The following MYO1E variants were observed in gnomAD, a reference collection of about 807,000 sequenced individuals.
MYO1E encodes the protein unconventional myosin-Ie.
Under a neutral mutation model 151.1 loss-of-function variants are expected in MYO1E, and 68 were observed. The ratio of observed to expected loss-of-function variants is 0.45; its 90% CI spans 0.37 to 0.55. The LOEUF (loss-of-function observed/expected upper bound fraction) is 0.55, where lower values mean the gene tolerates loss of function less well. Among genes scored for constraint, MYO1E ranks in the 20% least tolerant of loss-of-function variants. MYO1E has a pLI of 0.00. For synonymous variants in MYO1E, 601 were observed against 501.7 expected (o/e 1.20, Z -2.64); for missense variants, 1,363 against 1,389.3 (o/e 0.98, Z 0.30).
intron 4 of MYO1E, among the ~76,000 whole-genome samples, chr15:59,237,098 A>AT (rs1459577997): frequency 1.3e-5 from 2 of 151,912 alleles, no homozygotes; most frequent in Non-Finnish European, 2.9e-5. Flanking sequence ...CATGATTACA[A>AT]TTTTTTTTTC....
chr15:59,357,963 A>G (rs558141821), intron 1 of MYO1E, among the ~76,000 whole-genome samples: 3 of 152,214 alleles, frequency 2.0e-5, no homozygotes, highest in Non-Finnish European at 4.4e-5. Flanking sequence ...AGGTGGAATC[A>G]CAGGACTTGG....
chr15:59,292,554 G>A (rs1242198027), intron 1 of MYO1E, among the ~76,000 whole-genome samples: 1 of 152,198 alleles, frequency 6.6e-6, no homozygotes, highest in Admixed American at 6.5e-5. Flanking sequence ...TTTCTATTCT[G>A]GTTTGCCCCA....
chr15:59,237,639 T>C (rs1180636131), intron 4 of MYO1E, among the ~76,000 whole-genome samples: 1 of 152,136 alleles, frequency 6.6e-6, no homozygotes, highest in African/African-American at 2.4e-5. Flanking sequence ...GACAATATTT[T>C]TGTTCGCGCT....
chr15:59,318,624 T>C (rs1339772076), intron 1 of MYO1E, among the ~76,000 whole-genome samples: 1 of 152,138 alleles, frequency 6.6e-6, no homozygotes, highest in Non-Finnish European at 1.5e-5. Context: ...GAGGAAGATG[T>C]TTTTGTTTTA....
At chr15:59,152,144 A>G (rs914003575) in intron 26 of MYO1E, among the ~76,000 whole-genome samples, 7 of 152,022 alleles carry the variant, frequency 4.6e-5, no homozygotes, top group Admixed American at 6.5e-5. Flanking sequence ...CAGGAGAATC[A>G]CTTGAACCTG....
intron 1 of MYO1E, among the ~76,000 whole-genome samples, chr15:59,315,365 G>A (rs751122367): frequency 6.6e-6 from 1 of 152,058 alleles, no homozygotes; most frequent in African/African-American, 2.4e-5. Flanking sequence ...TCTCAGAACT[G>A]GAAGGGGTCT....
At chr15:59,317,035 C>T (rs1374269308) in intron 1 of MYO1E, among the ~76,000 whole-genome samples, 2 of 152,214 alleles carry the variant, frequency 1.3e-5, no homozygotes, top group African/African-American at 4.8e-5. Context: ...GGAATAGCTT[C>T]CTCCCTAGGC....
intron 1 of MYO1E, among the ~76,000 whole-genome samples, chr15:59,336,362 C>T (rs1186589706): frequency 1.3e-5 from 2 of 151,284 alleles, no homozygotes; most frequent in African/African-American, 2.4e-5. Context: ...GGGAGTGAAA[C>T]GCTGTCTCAA....
At chr15:59,325,549 C>A (rs2080658453) in intron 1 of MYO1E, among the ~76,000 whole-genome samples, 2 of 152,112 alleles carry the variant, frequency 1.3e-5, no homozygotes, top group Non-Finnish European at 1.5e-5. Flanking sequence ...ATAGTGCAAT[C>A]CAATAACACA....
intron 1 of MYO1E, among the ~76,000 whole-genome samples, chr15:59,339,312 A>G (rs1457402001): frequency 1.3e-5 from 2 of 152,180 alleles, no homozygotes; most frequent in Non-Finnish European, 2.9e-5. Context: ...ATGTGTAACA[A>G]GAGATGTTTT....
Position 59,217,978 on chromosome 15 carries a change from G to A in MYO1E, c.1020C>T (p.His340=), listed in dbSNP as rs1281516343. 6.8e-6 allele frequency: 11 copies of A among 1,614,092 alleles called. No homozygotes were observed. Among genetic ancestry groups the A allele is most frequent in the African/African-American group, 5.3e-5 (4 of 74,932 alleles). The change falls in exon 10 of 28, where the codon CAC becomes CAT. Residue 340 remains histidine (H), a synonymous_variant. Coordinates refer to ENST00000288235, the MANE Select transcript of MYO1E (RefSeq NM_004998.4). ...SKWGGKSESI[H]VTLNVEQACY... Reference sequence around the variant, plus strand: ...AGGCCTGCTCTACGTTGAGGGTCACGTGGATGGATTCGGATTTGCCTCCCC... The same window carrying A: ...AGGCCTGCTCTACGTTGAGGGTCACATGGATGGATTCGGATTTGCCTCCCC...
At chr15:59,356,381 G>C (rs1369768953) in intron 1 of MYO1E, among the ~76,000 whole-genome samples, 1 of 152,124 alleles carries the variant, frequency 6.6e-6, no homozygotes, top group East Asian at 1.9e-4. Flanking sequence ...TCAAATCACA[G>C]GGTGCTTTCA....
intron 22 of MYO1E, 58 bp downstream of exon 22, chr15:59,171,839 C>T (rs1414425320): frequency 9.3e-6 from 15 of 1,611,128 alleles, no homozygotes; most frequent in South Asian, 8.8e-5. Flanking sequence ...TTTGGAACAG[C>T]GGACCGTGAT....
intron 23 of MYO1E, among the ~76,000 whole-genome samples, chr15:59,162,732 G>A (rs1457115867): frequency 1.3e-5 from 2 of 151,412 alleles, no homozygotes; most frequent in African/African-American, 2.4e-5. Context: ...TCAAGCCCCC[G>A]GAGGCTCTAC....
At chr15:59,308,260 G>C (rs1266805246) in intron 1 of MYO1E, among the ~76,000 whole-genome samples, 1 of 147,156 alleles carries the variant, frequency 6.8e-6, no homozygotes, top group Non-Finnish European at 1.5e-5. Context: ...AATAGGCTGG[G>C]CATGGTGGCT....
At chr15:59,231,592 C>T (rs1050108182) in intron 6 of MYO1E, 110 bp downstream of exon 6, 64 of 1,168,636 alleles carry the variant, frequency 5.5e-5, no homozygotes, top group Non-Finnish European at 7.3e-5. Context: ...AAGAGGTGGC[C>T]TCCTGATGAT....
chr15:59,358,206 G>C (rs2080865585), intron 1 of MYO1E, among the ~76,000 whole-genome samples: 2 of 152,080 alleles, frequency 1.3e-5, no homozygotes, highest in South Asian at 2.1e-4. Context: ...AGTATCAAGA[G>C]AGCCTTAGGG....
chr15:59,139,502 T>TTA lies in MYO1E; in HGVS notation c.3081-1136_3081-1135insTA, dbSNP rs552965206. 1.4e-3 allele frequency among the ~76,000 whole-genome samples: 162 copies of TTA among 112,320 alleles called. 1 individual carries two copies. Among genetic ancestry groups the TTA allele is most frequent in the African/African-American group, 5.6e-3 (146 of 26,146 alleles). The allele number at this position is 112,320 out of a possible 152,430, so 73.7% of individuals were successfully genotyped here. A position where few individuals can be genotyped will look rare whatever the true frequency, so the allele number is the denominator to read the frequency against. ...TCTGCAGACTTCTTTCCCACCCCCT[T>TTA]ATTACTCTGCAGACATCCCTCCTAC... On this transcript the variant is annotated intron_variant, in intron 26 of 27. Coordinates refer to ENST00000288235, the MANE Select transcript of MYO1E (RefSeq NM_004998.4).
rs141502214 is a variant in MYO1E, at chr15:59,207,842, T to G, written c.1530+839A>C. On this transcript the variant is annotated intron_variant, in intron 14 of 27. Coordinates refer to ENST00000288235, the MANE Select transcript of MYO1E (RefSeq NM_004998.4). ...ATGAAAGGTTATACTTCTTGGGCCA[T>G]TGGCCTATCTGTGGCCGATTTAACA... is the stretch of plus-strand genomic sequence containing the variant. 1.9e-6 allele frequency: 3 copies of G among 1,614,108 alleles called. No homozygotes were observed. In the African/African-American group the frequency reaches 4.0e-5, roughly 22 times the overall value.
Sources: allele counts gnomAD v4.1 joint callset (sites outside exome capture counted in the v4.1 genomes callset), GRCh38; gene constraint gnomAD v4.1.1; transcripts MANE v1.5; gene names NCBI Gene and HGNC (gene_info 2026-07-23, HGNC 2026-07-21).